Variants in DHX33 observed in about 807,000 individuals in gnomAD.
DHX33 encodes ATP-dependent RNA helicase DHX33.
DHX33 carries 42 observed loss-of-function variants against 72.5 expected under a neutral mutation model. That is an observed-to-expected ratio of 0.58 (90% CI 0.45 to 0.75). The LOEUF (loss-of-function observed/expected upper bound fraction) is 0.75, where lower values mean the gene tolerates loss of function less well. DHX33 is among the 30% of genes least tolerant of loss of function. The pLI is 0.00. For synonymous variants in DHX33, 358 were observed against 366.1 expected (o/e 0.98, Z 0.25); for missense variants, 842 against 917.5 (o/e 0.92, Z 1.06).
intron 1 of DHX33, among the ~76,000 whole-genome samples, chr17:5,467,367 G>T (rs1805430): frequency 0.32 from 48,318 of 151,984 alleles, 9,141 homozygotes; most frequent in African/African-American, 0.53. Flanking sequence ...GCAGGAAGTA[G>T]CCAGAAAGAA....
chr17:5,443,279 A>G lies in DHX33; in HGVS notation c.*926T>C, dbSNP rs3744711. The G allele has an allele frequency of 0.16, 23,169 of 144,944 alleles. 1,888 individuals are homozygous for G. The highest frequency in any genetic ancestry group is 0.22 in the South Asian group (948 of 4,244). 9.0% of individuals were successfully genotyped at this position (144,944 alleles called of 1,614,324 possible). A position where few individuals can be genotyped will look rare whatever the true frequency, so the allele number is the denominator to read the frequency against. ...GGACTGCCCGAAAAGAAACAGCTGA[A>G]ATGGTACACAGTCACTCCTCATGCC... On this transcript the variant is annotated 3_prime_UTR_variant, in exon 12 of 12. Coordinates refer to ENST00000225296, the MANE Select transcript of DHX33 (RefSeq NM_020162.4).
At position 5,450,197 on chromosome 17, in the gene DHX33, G is replaced by A. The variant is rs1411355479; in HGVS notation, c.1728+6C>T. ...CGCTGGAGAACAGGTGCAAGACAAGGCTCACCTTATTTCCGCCTAGGTTTT... is the reference window on the plus strand; with the variant it reads ...CGCTGGAGAACAGGTGCAAGACAAGACTCACCTTATTTCCGCCTAGGTTTT... On this transcript the variant is annotated splice_donor_region_variant and intron_variant, in intron 10 of 11. Transcript: ENST00000225296. 3 of 1,614,096 alleles carry A rather than the reference G, an allele frequency of 1.9e-6. No individual in the cohort carries two copies. Among genetic ancestry groups the A allele is most frequent in the Non-Finnish European group, 2.5e-6 (3 of 1,180,004 alleles).
intron 3 of DHX33, 134 bp downstream of exon 3, chr17:5,462,185 C>T (rs1204646808): frequency 1.5e-5 from 11 of 731,218 alleles, no homozygotes; most frequent in South Asian, 3.8e-5. Flanking sequence ...GGTGATCCAC[C>T]GGCCTTGGCC....
chr17:5,449,969 G>A (rs1308315390), intron 10 of DHX33, among the ~76,000 whole-genome samples: 1 of 152,108 alleles, frequency 6.6e-6, no homozygotes, highest in East Asian at 1.9e-4. Context: ...GTTTTGATGG[G>A]TTGGGAGTCA....
At position 5,468,864 on chromosome 17, in the gene DHX33, G is replaced by A; in HGVS notation, c.-5C>T. ...GAAGCCCGCCTCCTCCGGCATGTCG[G>A]GAGGGCACCGCGGCGGGAGGCGCAA... On this transcript the variant is annotated 5_prime_UTR_variant, in exon 1 of 12. Coordinates refer to ENST00000225296, the MANE Select transcript of DHX33 (RefSeq NM_020162.4). 6.4e-7 allele frequency: 1 copy of A among 1,551,982 alleles called. No individual in the cohort carries two copies. The highest frequency in any genetic ancestry group is 8.7e-7 in the Non-Finnish European group (1 of 1,148,160).
intron 4 of DHX33, among the ~76,000 whole-genome samples, chr17:5,460,242 C>A (rs186287195): frequency 1.8e-3 from 266 of 151,312 alleles, no homozygotes; most frequent in African/African-American, 6.1e-3. Context: ...TCTCGATCTC[C>A]TGACTTCATG....
chr17:5,456,262 T>C, intron 4 of DHX33, 80 bp from the exon 5 acceptor site: 3 of 1,428,520 alleles, frequency 2.1e-6, no homozygotes, highest in Non-Finnish European at 1.9e-6. Context: ...TGATTGATGA[T>C]GTTTCCCAGA....
At chr17:5,458,455 ACAT>A (rs773371972) in intron 4 of DHX33, among the ~76,000 whole-genome samples, 24 of 152,130 alleles carry the variant, frequency 1.6e-4, no homozygotes, top group Non-Finnish European at 3.5e-4. Context: ...GACTCAGAAA[ACAT>A]CATAATAGGC....
intron 4 of DHX33, among the ~76,000 whole-genome samples, chr17:5,457,171 G>A (rs879895666): frequency 6.6e-5 from 10 of 152,148 alleles, no homozygotes; most frequent in Non-Finnish European, 1.5e-4. Flanking sequence ...AGCCAGGCGT[G>A]GTGGCGCACG....
intron 8 of DHX33, 140 bp downstream of exon 8, chr17:5,453,440 T>C: frequency 1.5e-6 from 1 of 684,228 alleles, no homozygotes. Context: ...TTTCAGATGC[T>C]TCTCTAATAA....
chr17:5,455,041 C>T, intron 6 of DHX33, 119 bp downstream of exon 6: 1 of 897,080 alleles, frequency 1.1e-6, no homozygotes, highest in Non-Finnish European at 1.8e-6. Flanking sequence ...ACTCATGGCG[C>T]CTGCCACCTG....
rs1916539321 is a variant in DHX33, at chr17:5,444,146, A to G, written c.*59T>C. 1.9e-6 allele frequency: 3 copies of G among 1,552,680 alleles called. No homozygotes were observed. Among genetic ancestry groups the G allele is most frequent in the South Asian group, 1.2e-5 (1 of 81,172 alleles). ...AGCGCCAACCTGGAAGCCTGCTGTA[A>G]GGACAACTGTAGTCCAAGCTCCCAG... On this transcript the variant is annotated 3_prime_UTR_variant, in exon 12 of 12. Coordinates refer to ENST00000225296, the MANE Select transcript of DHX33 (RefSeq NM_020162.4). The surrounding 1 kb of genome is among the most constrained non-coding windows in gnomAD (Gnocchi z 4.9).
chr17:5,459,680 T>C (rs1157581465), intron 4 of DHX33, among the ~76,000 whole-genome samples: 1 of 152,154 alleles, frequency 6.6e-6, no homozygotes, highest in East Asian at 1.9e-4. Context: ...CCTACCCACC[T>C]CTGCTTCCCA....
At position 5,455,841 on chromosome 17, in the gene DHX33, C is replaced by T. The variant is rs556941455; in HGVS notation, c.1035+156G>A. Among the ~76,000 whole-genome samples, 22 of 152,334 alleles carry T rather than the reference C, an allele frequency of 1.4e-4. No individual in the cohort carries two copies. In the East Asian group the frequency reaches 2.3e-3, roughly 16 times the overall value. On this transcript the variant is annotated intron_variant, in intron 5 of 11. Transcript: ENST00000225296. ...CACAGGAGCGCTGCGTGTGTCACCG[C>T]GCATTTTATTCCTGCACCTCCTCAG...
chr17:5,452,590 C>T (rs562495426), intron 8 of DHX33, among the ~76,000 whole-genome samples: 2 of 152,154 alleles, frequency 1.3e-5, no homozygotes, highest in South Asian at 4.2e-4. Context: ...TGGTGGCTCA[C>T]ACCTGTAGTC....
intron 1 of DHX33, among the ~76,000 whole-genome samples, chr17:5,466,409 A>G (rs1255675731): frequency 6.6e-6 from 1 of 152,186 alleles, no homozygotes; most frequent in Non-Finnish European, 1.5e-5. Context: ...TAAATCGAGC[A>G]GCATCCATAA....
chr17:5,468,096 G>A (rs921340983), intron 1 of DHX33, among the ~76,000 whole-genome samples: 1 of 152,020 alleles, frequency 6.6e-6, no homozygotes, highest in African/African-American at 2.4e-5. Context: ...CTAACACGTT[G>A]GGGATCATAA....
chr17:5,458,925 C>T (rs8066805), intron 4 of DHX33, among the ~76,000 whole-genome samples: 23,769 of 152,096 alleles, frequency 0.16, 2,329 homozygotes, highest in African/African-American at 0.27. Context: ...TGACTGGGCA[C>T]GGTTTCTCAC....
intron 9 of DHX33, 103 bp downstream of exon 9, chr17:5,450,704 G>C: frequency 1.3e-6 from 2 of 1,505,318 alleles, no homozygotes; most frequent in Non-Finnish European, 9.0e-7. Context: ...AATTATGTAA[G>C]AGAAAAAGTG....
Sources: gnomAD v4.1 joint callset for allele counts (sites outside exome capture counted in the v4.1 genomes callset) on GRCh38, gnomAD v4.1.1 for gene constraint, Gnocchi (gnomAD v3.1) non-coding constraint, MANE v1.5 for transcripts, NCBI Gene and HGNC (gene_info 2026-07-23, HGNC 2026-07-21) for gene names.